Variants in ARB2A observed in about 807,000 individuals in gnomAD.
ARB2A encodes the protein ARB2 cotranscriptional regulator A.
the ARB2A span, chr5:93,958,919 T>C: frequency 1.2e-6 from 2 of 1,607,164 alleles, no homozygotes; most frequent in African/African-American, 2.7e-5. Flanking sequence ...TGTCAAAGCA[T>C]CCTCACTCAT....
chr5:93,703,666 A>G, the ARB2A span, among the ~76,000 whole-genome samples: 2 of 152,212 alleles, frequency 1.3e-5, no homozygotes, highest in Non-Finnish European at 2.9e-5. Flanking sequence ...GATGTACTGT[A>G]GTTACTAGAG....
chr5:93,702,269 T>C, the ARB2A span, among the ~76,000 whole-genome samples: 125 of 152,246 alleles, frequency 8.2e-4, no homozygotes, highest in African/African-American at 3.0e-3. Flanking sequence ...AGCAATGCTC[T>C]CATTTTATGT....
the ARB2A span, among the ~76,000 whole-genome samples, chr5:93,984,834 A>T: frequency 1.3e-5 from 2 of 152,250 alleles, no homozygotes; most frequent in African/African-American, 4.8e-5. Flanking sequence ...GCCTGCAGAC[A>T]TGTGACACTT....
At chr5:93,788,315 C>T in the ARB2A span, among the ~76,000 whole-genome samples, 5 of 152,238 alleles carry the variant, frequency 3.3e-5, no homozygotes, top group East Asian at 7.7e-4. Flanking sequence ...AGTATTCATT[C>T]GGTGAGATGA....
chr5:93,888,497 A>T, the ARB2A span, among the ~76,000 whole-genome samples: 1 of 151,836 alleles, frequency 6.6e-6, no homozygotes, highest in African/African-American at 2.4e-5. Context: ...ACTATTCCTC[A>T]TGCTAGTTAT....
the ARB2A span, among the ~76,000 whole-genome samples, chr5:93,675,921 G>A: frequency 2.0e-5 from 3 of 152,206 alleles, no homozygotes; most frequent in Non-Finnish European, 4.4e-5. Context: ...CCATCTGCAA[G>A]CCATCGGAAA....
the ARB2A span, among the ~76,000 whole-genome samples, chr5:93,623,272 G>A: frequency 6.7e-6 from 1 of 149,742 alleles, no homozygotes; most frequent in Non-Finnish European, 1.5e-5. Flanking sequence ...AAAAAAAAAG[G>A]TGTTAATTGT....
At chr5:93,669,208 G>A in the ARB2A span, among the ~76,000 whole-genome samples, 1 of 152,212 alleles carries the variant, frequency 6.6e-6, no homozygotes, top group African/African-American at 2.4e-5. Context: ...AAAGAAGACA[G>A]CTTTGCTCTT....
At chr5:93,775,024 G>T in the ARB2A span, among the ~76,000 whole-genome samples, 1 of 151,936 alleles carries the variant, frequency 6.6e-6, no homozygotes, top group South Asian at 2.1e-4. Context: ...ATATACATAT[G>T]TGCATGAGTA....
chr5:93,764,999 T>A, the ARB2A span, among the ~76,000 whole-genome samples: 1 of 152,154 alleles, frequency 6.6e-6, no homozygotes, highest in Non-Finnish European at 1.5e-5. Flanking sequence ...CAACAACCCT[T>A]CATGCTAAAA....
chr5:93,881,240 G>A, the ARB2A span: 1 of 352,438 alleles, frequency 2.8e-6, no homozygotes. Context: ...TGACACAAAA[G>A]GAAACAGAAT....
the ARB2A span, among the ~76,000 whole-genome samples, chr5:94,032,663 T>C: frequency 6.6e-6 from 1 of 152,020 alleles, no homozygotes; most frequent in Non-Finnish European, 1.5e-5. Flanking sequence ...CCCAGCAAAG[T>C]CATAGGGGCA....
chr5:93,761,479 C>G, the ARB2A span, among the ~76,000 whole-genome samples: 1 of 152,174 alleles, frequency 6.6e-6, no homozygotes, highest in Non-Finnish European at 1.5e-5. Flanking sequence ...AGTCTGAGAT[C>G]AAACTGCAAG....
At chr5:93,741,834 G>A in the ARB2A span, 486 of 427,090 alleles carry the variant, frequency 1.1e-3, 1 homozygote, top group Non-Finnish European at 1.7e-3. Context: ...AAGCTGTCTG[G>A]AGTCCCTTAC....
chr5:93,899,242 T>C, the ARB2A span, among the ~76,000 whole-genome samples: 1 of 152,090 alleles, frequency 6.6e-6, no homozygotes, highest in Non-Finnish European at 1.5e-5. Context: ...TTGGTATCCA[T>C]TAGCTAAAGA....
At chr5:94,071,501 G>A in the ARB2A span, among the ~76,000 whole-genome samples, 2 of 151,974 alleles carry the variant, frequency 1.3e-5, no homozygotes, top group African/African-American at 4.8e-5. Context: ...ATATCCAATA[G>A]AGACTTGTAT....
At chr5:93,883,204 T>G in the ARB2A span, among the ~76,000 whole-genome samples, 1 of 151,540 alleles carries the variant, frequency 6.6e-6, no homozygotes, top group East Asian at 1.9e-4. Context: ...AGTTCTGATT[T>G]TAATGATAGG....
the ARB2A span, among the ~76,000 whole-genome samples, chr5:93,838,738 C>A: frequency 6.6e-6 from 1 of 152,076 alleles, no homozygotes; most frequent in African/African-American, 2.4e-5. Flanking sequence ...TATTGTAATT[C>A]TCATTGGGGA....
chr5:94,072,159 A>G, the ARB2A span, among the ~76,000 whole-genome samples: 2 of 152,160 alleles, frequency 1.3e-5, no homozygotes, highest in Non-Finnish European at 2.9e-5. Flanking sequence ...AACATCTATA[A>G]AATGACAAAA....
Sources: allele counts gnomAD v4.1 joint callset (sites outside exome capture counted in the v4.1 genomes callset), GRCh38; gene constraint gnomAD v4.1.1; transcripts MANE v1.5; gene names NCBI Gene and HGNC (gene_info 2026-07-23, HGNC 2026-07-21).